CBY2: variants seen among roughly 807,000 people sequenced by gnomAD.
CBY2 encodes the protein chibby family member 2, also known as protein chibby homolog 2.
In CBY2, 23 loss-of-function variants were observed where a neutral mutation model predicts 25.3. The ratio of observed to expected loss-of-function variants is 0.91; its 90% CI spans 0.65 to 1.29. CBY2 has a LOEUF of 1.29. Ranked by LOEUF, CBY2 falls within the 50% of genes most tolerant of loss-of-function variation. The pLI is 0.00. For missense variants in CBY2, 642 were observed against 590.7 expected, an observed-to-expected ratio of 1.09 and a Z score of -0.90; for synonymous variants, 279 against 260.2, an observed-to-expected ratio of 1.07 and a Z score of -0.70.
rs1316276726 is a variant in CBY2, at chr13:45,702,829, A to T, written c.130A>T (p.Ile44Phe). The change falls in exon 2 of 3, where the codon ATT becomes TTT. Residue 44 changes from isoleucine (I) to phenylalanine (F), a missense_variant. Coordinates refer to ENST00000310521, the MANE Select transcript of CBY2 (RefSeq NM_152719.3). Reference protein sequence around the residue: ...KRDTRSESLEIPISVVLPQRG... With the variant: ...KRDTRSESLEFPISVVLPQRG... ...AGATACCAGATCTGAAAGCCTAGAA[A>T]TTCCAATCAGTGTGGTTCTACCTCA... 1.2e-6 allele frequency: 2 copies of T among 1,614,018 alleles called. No homozygotes were observed. The highest frequency in any genetic ancestry group is 2.7e-5 in the African/African-American group (2 of 74,942).
At chr13:45,712,825 C>T (rs1462988966) in intron 2 of CBY2, among the ~76,000 whole-genome samples, 2 of 152,156 alleles carry the variant, frequency 1.3e-5, no homozygotes, top group Non-Finnish European at 2.9e-5. Context: ...GACAGTGCTG[C>T]TGACGTGAAT....
At chr13:45,707,825 C>T (rs534491593) in intron 2 of CBY2, among the ~76,000 whole-genome samples, 1 of 152,322 alleles carries the variant, frequency 6.6e-6, no homozygotes, top group African/African-American at 2.4e-5. Flanking sequence ...GCTATGTAAT[C>T]TTATGCAGAA....
chr13:45,713,582 A>C lies in CBY2; in HGVS notation c.557A>C (p.Asn186Thr), dbSNP rs1270903807. The C allele has an allele frequency of 3.1e-6, 5 of 1,614,074 alleles. No individual in the cohort carries two copies. Among genetic ancestry groups the C allele is most frequent in the Middle Eastern group, 1.6e-4 (1 of 6,062 alleles). The change falls in exon 3 of 3, where the codon AAC (asparagine) becomes ACC (threonine). Residue 186 changes from asparagine to threonine, a missense_variant. By Grantham distance (65) the Asn-to-Thr change is moderately conservative. Transcript: ENST00000310521. This position sits in a 1 kb window ranked among gnomAD's most constrained non-coding sequence, Gnocchi z 5.0. ...REENKALREE[N>T]RMLSKENKIL... ...GAGAACAAGGCCCTGCGCGAGGAGA[A>C]CCGGATGCTCAGCAAGGAGAACAAG...
rs755511644 is a variant in CBY2, at chr13:45,714,257, A to G, written c.1232A>G (p.Lys411Arg). 6.2e-7 allele frequency: 1 copy of G among 1,613,200 alleles called. No individual in the cohort carries two copies. The highest frequency in any genetic ancestry group is 2.2e-5 in the East Asian group (1 of 44,850). The change falls in exon 3 of 3, where the codon AAG (lysine) becomes AGG (arginine). Residue 411 changes from lysine to arginine, a missense_variant. Transcript: ENST00000310521. ...AACAACAAGCTGAAGCTGCAGCAGA[A>G]GCTGGTCATTGACACCGTGACCGAG... ...WENNKLKLQQ[K>R]LVIDTVTEVT...
At chr13:45,707,845 T>G (rs1327794563) in intron 2 of CBY2, among the ~76,000 whole-genome samples, 1 of 152,222 alleles carries the variant, frequency 6.6e-6, no homozygotes, top group East Asian at 1.9e-4. Context: ...ATCATGCCAG[T>G]TCTTTGGGTA....
rs760830543 is a variant in CBY2, at chr13:45,702,798, A to C, written c.99A>C (p.Arg33Ser). 4 of 1,614,016 alleles carry C rather than the reference A, an allele frequency of 2.5e-6. No homozygotes were observed. In the East Asian group the frequency reaches 8.9e-5, roughly 36 times the overall value. The change falls in exon 2 of 3, where the codon AGA becomes AGC. Residue 33 changes from arginine (R) to serine (S), a missense_variant. By Grantham distance (110) the Arg-to-Ser change is moderately radical. Coordinates refer to ENST00000310521, the MANE Select transcript of CBY2 (RefSeq NM_152719.3). ...AGCACTCAAGGCCAAATTATACAAG[A>C]AAAAGAGATACCAGATCTGAAAGCC... ...LTLHSRPNYT[R>S]KRDTRSESLE...
At chr13:45,707,854 T>A (rs1950248424) in intron 2 of CBY2, among the ~76,000 whole-genome samples, 1 of 152,240 alleles carries the variant, frequency 6.6e-6, no homozygotes, top group Admixed American at 6.5e-5. Flanking sequence ...GTTCTTTGGG[T>A]AAGATATTAC....
rs1950231164 is a variant in CBY2, at chr13:45,704,834, C to T, written c.156+1979C>T. Among the ~76,000 whole-genome samples, 1 of 152,200 alleles carries T rather than the reference C, an allele frequency of 6.6e-6. No homozygotes were observed. On this transcript the variant is annotated intron_variant, in intron 2 of 2. Transcript: ENST00000310521. The surrounding 1 kb of genome is among the most constrained non-coding windows in gnomAD (Gnocchi z 4.1). ...CTATACTAGGGCACATGCCAGTAAGCTGGGCCATGCTGCATCTTAGCTCCA... is the reference window on the plus strand; with the variant it reads ...CTATACTAGGGCACATGCCAGTAAGTTGGGCCATGCTGCATCTTAGCTCCA...
At chr13:45,707,909 GTCAC>G (rs1950248675) in intron 2 of CBY2, among the ~76,000 whole-genome samples, 1 of 152,132 alleles carries the variant, frequency 6.6e-6, no homozygotes. Flanking sequence ...ACACATTATA[GTCAC>G]TCAGTGTTAT....
At chr13:45,705,817 C>T (rs376916438) in intron 2 of CBY2, among the ~76,000 whole-genome samples, 3 of 152,150 alleles carry the variant, frequency 2.0e-5, no homozygotes, top group South Asian at 2.1e-4. Flanking sequence ...TTTAATAGTA[C>T]CTCAGATGGC....
intron 2 of CBY2, among the ~76,000 whole-genome samples, chr13:45,709,296 A>G (rs1243873352): frequency 1.3e-5 from 2 of 152,130 alleles, no homozygotes; most frequent in Non-Finnish European, 2.9e-5. Flanking sequence ...TGTTGAGGGG[A>G]TGACAGAATG....
chr13:45,713,494 C>G lies in CBY2; in HGVS notation c.469C>G (p.Leu157Val), dbSNP rs1848360359. 6.2e-7 allele frequency: 1 copy of G among 1,614,210 alleles called. No homozygotes were observed. The highest frequency in any genetic ancestry group is 8.5e-7 in the Non-Finnish European group (1 of 1,180,030). ...CCCATCCGCCTCCTTCCACCACAAGCTGCACCACAAGAGGCTGGCCAAGGA... is the reference window on the plus strand; with the variant it reads ...CCCATCCGCCTCCTTCCACCACAAGGTGCACCACAAGAGGCTGGCCAAGGA... ...FSPSASFHHK[L>V]HHKRLAKECM... The change falls in exon 3 of 3, where the codon CTG (leucine) becomes GTG (valine). Residue 157 changes from leucine (L) to valine (V), a missense_variant. By Grantham distance (32) the Leu-to-Val change is conservative (BLOSUM62 1). Transcript: ENST00000310521. This position sits in a 1 kb window ranked among gnomAD's most constrained non-coding sequence, Gnocchi z 5.0.
intron 2 of CBY2, chr13:45,703,592 G>T (rs1313040646): frequency 2.6e-6 from 4 of 1,549,878 alleles, no homozygotes; most frequent in Admixed American, 2.0e-5. Flanking sequence ...CAATGCAGAG[G>T]TAACTATCTG....
intron 1 of CBY2, 148 bp from the exon 2 acceptor site, chr13:45,702,627 C>G: frequency 1.2e-6 from 1 of 855,142 alleles, no homozygotes; most frequent in Non-Finnish European, 1.9e-6. Context: ...ATCATCTACA[C>G]GTTCTTTCAG....
chr13:45,709,914 G>A (rs1233408845), intron 2 of CBY2, among the ~76,000 whole-genome samples: 1 of 152,186 alleles, frequency 6.6e-6, no homozygotes, highest in Non-Finnish European at 1.5e-5. Context: ...CCAGAAGTGG[G>A]TTTGTGTCTT....
chr13:45,714,074 C>A lies in CBY2; in HGVS notation c.1049C>A (p.Pro350His). The change falls in exon 3 of 3, where the codon CCC becomes CAC. Residue 350 changes from proline to histidine, a missense_variant. Coordinates refer to ENST00000310521, the MANE Select transcript of CBY2 (RefSeq NM_152719.3). ...EEEAKVGPGL[P>H]DGCQPLQLLR... Reference sequence around the variant, plus strand: ...GAGGCCAAGGTGGGCCCGGGCCTGCCCGACGGCTGCCAGCCCCTGCAGCTG... The same window carrying A: ...GAGGCCAAGGTGGGCCCGGGCCTGCACGACGGCTGCCAGCCCCTGCAGCTG... 6.6e-7 allele frequency: 1 copy of A among 1,525,004 alleles called. No homozygotes were observed. Among genetic ancestry groups the A allele is most frequent in the Non-Finnish European group, 8.8e-7 (1 of 1,135,010 alleles). The allele number at this position is 1,525,004 out of a possible 1,614,324, so 94.5% of individuals were successfully genotyped here.
chr13:45,713,117 T>G lies in CBY2; in HGVS notation c.157-65T>G, dbSNP rs1950280551. ...TTATTTGGGGATGTCCTGGCCCCTT[T>G]GTCAGCCAGCCCCAAGTGTGTCAGT... is the stretch of plus-strand genomic sequence containing the variant. On this transcript the variant is annotated intron_variant, in intron 2 of 2. Coordinates refer to ENST00000310521, the MANE Select transcript of CBY2 (RefSeq NM_152719.3). The surrounding 1 kb of genome is among the most constrained non-coding windows in gnomAD (Gnocchi z 5.0). The G allele has an allele frequency of 7.5e-7, 1 of 1,339,964 alleles. No individual in the cohort carries two copies. Among genetic ancestry groups the G allele is most frequent in the Non-Finnish European group, 1.0e-6 (1 of 980,986 alleles). The allele number at this position is 1,339,964 out of a possible 1,614,324, so 83.0% of individuals were successfully genotyped here. A position where few individuals can be genotyped will look rare whatever the true frequency, so the allele number is the denominator to read the frequency against.
At position 45,709,469 on chromosome 13, in the gene CBY2, C is replaced by T. The variant is rs113525041; in HGVS notation, c.157-3713C>T. ...GATTGTCTCTCTGGCTGAAACAAAACGATCGTTAAAAAGAAATGAGAATTG... is the reference window on the plus strand; with the variant it reads ...GATTGTCTCTCTGGCTGAAACAAAATGATCGTTAAAAAGAAATGAGAATTG... On this transcript the variant is annotated intron_variant, in intron 2 of 2. Coordinates refer to ENST00000310521, the MANE Select transcript of CBY2 (RefSeq NM_152719.3). 3.9e-5 allele frequency among the ~76,000 whole-genome samples: 6 copies of T among 152,120 alleles called. 1 individual carries two copies. Among genetic ancestry groups the T allele is most frequent in the African/African-American group, 1.4e-4 (6 of 41,476 alleles).
chr13:45,703,116 C>G (rs2137498968), intron 2 of CBY2: 2 of 1,295,836 alleles, frequency 1.5e-6, no homozygotes, highest in Non-Finnish European at 2.0e-6. Context: ...TTCCAAGTTT[C>G]TATGATACAC....
Sources: gnomAD v4.1 joint callset for allele counts (sites outside exome capture counted in the v4.1 genomes callset) on GRCh38, gnomAD v4.1.1 for gene constraint, Gnocchi (gnomAD v3.1) non-coding constraint, MANE v1.5 for transcripts, NCBI Gene and HGNC (gene_info 2026-07-23, HGNC 2026-07-21) for gene names.